CHN1: variants seen among roughly 807,000 people sequenced by gnomAD.
The protein encoded by CHN1 is N-chimaerin.
CHN1 carries 37 observed loss-of-function variants against 59.5 expected under a neutral mutation model. That is an observed-to-expected ratio of 0.62 (90% CI 0.48 to 0.82). The LOEUF is 0.82. Ranked by LOEUF, CHN1 falls within the 40% of genes least tolerant of loss-of-function variation. CHN1 has a pLI of 0.00. For missense variants in CHN1, 469 were observed against 571.0 expected, an observed-to-expected ratio of 0.82 and a Z score of 1.82; for synonymous variants, 206 against 200.4, an observed-to-expected ratio of 1.03 and a Z score of -0.24.
Position 174,801,827 on chromosome 2 carries a change from C to A in CHN1, c.1103-15G>T. The A allele has an allele frequency of 2.6e-6, 4 of 1,567,654 alleles. No individual in the cohort carries two copies. The South Asian group carries it at 4.4e-5, about 17-fold the overall frequency. On this transcript the variant is annotated splice_polypyrimidine_tract_variant and intron_variant, in intron 11 of 12. Coordinates refer to ENST00000409900, the MANE Select transcript of CHN1 (RefSeq NM_001822.7). ...ATCCATAATTTCTAAAATAGCAAGT[C>A]GAATACCAAGAAGAAAAGAAATAAC...
At chr2:174,954,677 A>G (rs1471135215) in intron 1 of CHN1, among the ~76,000 whole-genome samples, 1 of 152,226 alleles carries the variant, frequency 6.6e-6, no homozygotes, top group Non-Finnish European at 1.5e-5. Context: ...CAAATAGTCA[A>G]CAAACATGAA....
At chr2:174,968,822 G>A (rs1690668758) in intron 1 of CHN1, among the ~76,000 whole-genome samples, 1 of 152,208 alleles carries the variant, frequency 6.6e-6, no homozygotes, top group South Asian at 2.1e-4. Flanking sequence ...CTTCAAAAGT[G>A]GAAGTATTTT....
At chr2:174,927,060 C>T (rs1455282254) in intron 3 of CHN1, among the ~76,000 whole-genome samples, 1 of 152,042 alleles carries the variant, frequency 6.6e-6, no homozygotes, top group African/African-American at 2.4e-5. Context: ...GCCCGGCCTA[C>T]CCACACCTTT....
At chr2:174,931,474 A>G (rs530300326) in intron 3 of CHN1, among the ~76,000 whole-genome samples, 1 of 152,308 alleles carries the variant, frequency 6.6e-6, no homozygotes, top group Non-Finnish European at 1.5e-5. Context: ...TAAAACAAGA[A>G]CATTGTACCT....
At chr2:174,843,855 G>A (rs1188929934) in intron 7 of CHN1, among the ~76,000 whole-genome samples, 1 of 152,162 alleles carries the variant, frequency 6.6e-6, no homozygotes, top group Non-Finnish European at 1.5e-5. Flanking sequence ...TGAGGGCAAA[G>A]GCTGGATCTT....
At chr2:174,814,253 C>A (rs1227452718) in intron 8 of CHN1, among the ~76,000 whole-genome samples, 1 of 152,254 alleles carries the variant, frequency 6.6e-6, no homozygotes, top group East Asian at 1.9e-4. Context: ...GGAATGTCAG[C>A]TTGTGAATAC....
chr2:174,821,660 T>C, intron 8 of CHN1: 1 of 416,402 alleles, frequency 2.4e-6, no homozygotes, highest in Non-Finnish European at 4.9e-6. Flanking sequence ...GACACTGCAT[T>C]GTAGGCACCT....
chr2:174,800,681 T>G (rs544792721), intron 12 of CHN1, among the ~76,000 whole-genome samples: 11 of 152,292 alleles, frequency 7.2e-5, no homozygotes, highest in African/African-American at 2.4e-4. Context: ...TATGGAGTAG[T>G]TTTGCAAGTA....
chr2:174,822,450 T>G lies in CHN1; in HGVS notation c.712+1984A>C, dbSNP rs556169531. ...AGATTATTCATAGGTGCTGTACCTA[T>G]TCTCTATTAATAGTTAAGAATTCTT... On this transcript the variant is annotated intron_variant, in intron 8 of 12. Coordinates refer to ENST00000409900, the MANE Select transcript of CHN1 (RefSeq NM_001822.7). Among the ~76,000 whole-genome samples the G allele has an allele frequency of 5.3e-5, 8 of 152,340 alleles. No homozygotes were observed. In the South Asian group the frequency reaches 1.7e-3, roughly 32 times the overall value.
chr2:174,901,634 T>C (rs1370050516), intron 5 of CHN1, among the ~76,000 whole-genome samples: 1 of 152,212 alleles, frequency 6.6e-6, no homozygotes, highest in African/African-American at 2.4e-5. Context: ...TTTTTCCTTG[T>C]ATCTCCAGCA....
At chr2:174,942,564 A>G (rs1689697520) in intron 3 of CHN1, among the ~76,000 whole-genome samples, 1 of 152,166 alleles carries the variant, frequency 6.6e-6, no homozygotes, top group South Asian at 2.1e-4. Flanking sequence ...ATTATCCTAG[A>G]TAAGAGTTAC....
chr2:174,973,579 G>C (rs957453910), intron 1 of CHN1, among the ~76,000 whole-genome samples: 2 of 152,180 alleles, frequency 1.3e-5, no homozygotes, highest in African/African-American at 4.8e-5. Flanking sequence ...AGGATGCCTG[G>C]GCACTTCACT....
At chr2:174,959,064 T>C (rs1383590622) in intron 1 of CHN1, among the ~76,000 whole-genome samples, 1 of 152,162 alleles carries the variant, frequency 6.6e-6, no homozygotes, top group Non-Finnish European at 1.5e-5. Flanking sequence ...TTTTAATATT[T>C]CTTTTAATAT....
At chr2:174,865,853 A>G (rs1002524746) in intron 6 of CHN1, among the ~76,000 whole-genome samples, 5 of 152,188 alleles carry the variant, frequency 3.3e-5, no homozygotes, top group African/African-American at 7.2e-5. Flanking sequence ...AAGGTTAACA[A>G]AAAGAACATA....
intron 8 of CHN1, among the ~76,000 whole-genome samples, chr2:174,824,160 C>T (rs1685601539): frequency 6.6e-6 from 1 of 152,164 alleles, no homozygotes; most frequent in African/African-American, 2.4e-5. Flanking sequence ...TTACTTTTAT[C>T]TCCTTTTATC....
chr2:174,800,422 T>C, intron 12 of CHN1, 135 bp from the exon 13 acceptor site: 1 of 582,312 alleles, frequency 1.7e-6, no homozygotes, highest in Non-Finnish European at 2.7e-6. Flanking sequence ...GTTATTTCTC[T>C]GTAATTTCAA....
intron 5 of CHN1, among the ~76,000 whole-genome samples, chr2:174,902,185 C>T (rs1688405990): frequency 6.6e-6 from 1 of 152,070 alleles, no homozygotes; most frequent in Admixed American, 6.6e-5. Flanking sequence ...TCTTTTTGAA[C>T]AGCTATCTCC....
intron 6 of CHN1, among the ~76,000 whole-genome samples, chr2:174,856,967 C>G (rs1454404273): frequency 1.3e-5 from 2 of 152,078 alleles, no homozygotes; most frequent in Non-Finnish European, 2.9e-5. Context: ...AGCACTATTC[C>G]TTAAGCGGAG....
chr2:174,920,407 T>C (rs2105375636), intron 3 of CHN1, among the ~76,000 whole-genome samples: 1 of 152,268 alleles, frequency 6.6e-6, no homozygotes, highest in Admixed American at 6.5e-5. Flanking sequence ...ATTACGTAAC[T>C]TATTCAAGGT....
Sources: allele counts gnomAD v4.1 joint callset (sites outside exome capture counted in the v4.1 genomes callset), GRCh38; gene constraint gnomAD v4.1.1; transcripts MANE v1.5; gene names NCBI Gene and HGNC (gene_info 2026-07-23, HGNC 2026-07-21).